The following DOCK6 variants were observed in gnomAD, a reference collection of about 807,000 sequenced individuals.
DOCK6 encodes the protein dedicator of cytokinesis protein 6.
Under a neutral mutation model 230.3 loss-of-function variants are expected in DOCK6, and 167 were observed. The observed-to-expected ratio is 0.73, with a 90% CI of 0.64 to 0.82. The LOEUF (loss-of-function observed/expected upper bound fraction) is 0.82, where lower values mean the gene tolerates loss of function less well. DOCK6 is among the 40% of genes least tolerant of loss of function. The probability of loss-of-function intolerance (pLI) is 0.00; values close to 1 mark genes in which losing one functional copy is unlikely to be tolerated. For synonymous variants in DOCK6, 1,148 were observed against 1,185.0 expected (o/e 0.97, Z 0.64); for missense variants, 2,598 against 2,825.8 (o/e 0.92, Z 1.83).
chr19:11,227,527 A>AAGACTTGAAGGGCTGTGGGTG (rs2079687104), intron 23 of DOCK6, 50 bp from the exon 24 acceptor site: 2 of 1,265,502 alleles, frequency 1.6e-6, no homozygotes, highest in African/African-American at 4.1e-5. Context: ...GGCTGTGGGT[A>AAGACTTGAAGGGCTGTGGGTG]GGACTTGAAG....
chr19:11,259,435 G>GA (rs2080247978), intron 1 of DOCK6, among the ~76,000 whole-genome samples: 1 of 148,160 alleles, frequency 6.7e-6, no homozygotes, highest in African/African-American at 2.5e-5. Context: ...CAAGGATGGG[G>GA]GAGAGAGAGA....
rs1398085540 is a variant in DOCK6, at chr19:11,243,170, C to G, written c.1387-18G>C. 1 of 1,613,110 alleles carries G rather than the reference C, an allele frequency of 6.2e-7. No homozygotes were observed. Among genetic ancestry groups the G allele is most frequent in the South Asian group, 1.1e-5 (1 of 91,070 alleles). ...TCAGCCTCCTACATGGGACCCACTC[C>G]CGTCAGCCTGGGCCAGGGGGCTAGG... On this transcript the variant is annotated intron_variant, in intron 12 of 47. Coordinates refer to ENST00000294618, the MANE Select transcript of DOCK6 (RefSeq NM_020812.4). This position sits in a 1 kb window ranked among gnomAD's most constrained non-coding sequence, Gnocchi z 6.3.
chr19:11,242,701 G>A (rs1305193098), intron 13 of DOCK6, among the ~76,000 whole-genome samples: 1 of 151,914 alleles, frequency 6.6e-6, no homozygotes, highest in African/African-American at 2.4e-5. Flanking sequence ...CCCCAGGCTG[G>A]TCTTGAGCTC....
At chr19:11,212,250 A>T in intron 35 of DOCK6, 99 bp from the exon 36 acceptor site, 1 of 1,375,826 alleles carries the variant, frequency 7.3e-7, no homozygotes, top group South Asian at 1.4e-5. Flanking sequence ...TGCGTTCTTT[A>T]TTTTTTTTGA....
chr19:11,203,146 C>G, intron 41 of DOCK6: 1 of 200,852 alleles, frequency 5.0e-6, no homozygotes, highest in Non-Finnish European at 1.0e-5. Context: ...GACAGTGGCT[C>G]TGGTTCCCTT....
rs954513312 is a variant in DOCK6 at position 11,222,522 on chromosome 19, T to C, written c.3240+213A>G. On this transcript the variant is annotated intron_variant, in intron 26 of 47. Coordinates refer to ENST00000294618, the MANE Select transcript of DOCK6 (RefSeq NM_020812.4). This position sits in a 1 kb window ranked among gnomAD's most constrained non-coding sequence, Gnocchi z 4.0. ...GAACACTGGGCTGGGAGTTAGGATT[T>C]AGGGGAGAGAAATCAGAGGTTAGTC... Among the ~76,000 whole-genome samples, 4 of 151,802 alleles carry C rather than the reference T, an allele frequency of 2.6e-5. No individual in the cohort carries two copies. The highest frequency in any genetic ancestry group is 1.9e-4 in the East Asian group (1 of 5,178).
chr19:11,252,921 TCA>T lies in DOCK6; in HGVS notation c.168_169del (p.Phe56LeufsTer12). ...TGGTGGCCGGCTCAGAAGTACATCCTCAAAGTCCAGGGGCTCGACAACTTCAG... is the reference window on the plus strand; with the variant it reads ...TGGTGGCCGGCTCAGAAGTACATCCTAAGTCCAGGGGCTCGACAACTTCAG... On this transcript the variant is annotated frameshift_variant, in exon 3 of 48. Transcript: ENST00000294618. LOFTEE classifies it high-confidence loss of function. 2 of 1,612,444 alleles carry T rather than the reference TCA, an allele frequency of 1.2e-6. No individual in the cohort carries two copies. Among genetic ancestry groups the T allele is most frequent in the Non-Finnish European group, 1.7e-6 (2 of 1,179,340 alleles).
intron 14 of DOCK6, chr19:11,240,186 G>A: frequency 6.4e-7 from 1 of 1,554,626 alleles, no homozygotes; most frequent in Non-Finnish European, 8.7e-7. Flanking sequence ...TGAGGTGCTG[G>A]GGGAGGTGGC....
At position 11,212,093 on chromosome 19, in the gene DOCK6, G is replaced by A. The variant is rs752022328; in HGVS notation, c.4550C>T (p.Thr1517Met). ...CAGGTGCTCTTCACTGAAGTTCTGC[G>A]TCGTCCCCACCAGGGACGAGAGAGA... ...TMSLSSLVGT[T>M]QNFSEEHLRR... The change falls in exon 36 of 48, where the codon ACG (threonine) becomes ATG (methionine). Residue 1517 changes from threonine to methionine, a missense_variant. Transcript: ENST00000294618. 45 of 1,612,176 alleles carry A rather than the reference G, an allele frequency of 2.8e-5. No homozygotes were observed. In the South Asian group the frequency reaches 3.1e-4, roughly 11 times the overall value.
intron 24 of DOCK6, among the ~76,000 whole-genome samples, chr19:11,225,544 T>G (rs1280831957): frequency 1.3e-5 from 2 of 151,338 alleles, no homozygotes; most frequent in Non-Finnish European, 2.9e-5. Flanking sequence ...CACACAAAAA[T>G]AGGTGGGTAT....
At chr19:11,212,298 G>A in intron 35 of DOCK6, 147 bp from the exon 36 acceptor site, 1 of 906,238 alleles carries the variant, frequency 1.1e-6, no homozygotes, top group Non-Finnish European at 1.6e-6. Context: ...CTGGAGTGCA[G>A]TGGCATGATC....
chr19:11,261,216 C>A (rs901310346), intron 1 of DOCK6, among the ~76,000 whole-genome samples: 6 of 151,866 alleles, frequency 4.0e-5, no homozygotes, highest in Middle Eastern at 3.5e-3. Flanking sequence ...TTTGCACAAA[C>A]CCTTCCCACT....
intron 3 of DOCK6, 105 bp downstream of exon 3, chr19:11,252,678 C>T (rs2147877967): frequency 1.9e-6 from 3 of 1,598,518 alleles, no homozygotes; most frequent in Non-Finnish European, 2.6e-6. Flanking sequence ...AAAAGCATGG[C>T]TTGTCCAACG....
At chr19:11,241,298 A>G in intron 14 of DOCK6, 1 of 607,600 alleles carries the variant, frequency 1.6e-6, no homozygotes, top group Non-Finnish European at 2.9e-6. Context: ...GTCCTATTTT[A>G]TCCCCATTTT....
chr19:11,210,577 CTCACCTGTCCATCCCT>C lies in DOCK6; in HGVS notation c.4751+1183_4751+1198del, dbSNP rs959206084. Among the ~76,000 whole-genome samples, 24 of 148,066 alleles carry C rather than the reference CTCACCTGTCCATCCCT, an allele frequency of 1.6e-4. No homozygotes were observed. The East Asian group carries it at 1.6e-3, about 10-fold the overall frequency. On this transcript the variant is annotated intron_variant, in intron 37 of 47. Coordinates refer to ENST00000294618, the MANE Select transcript of DOCK6 (RefSeq NM_020812.4). ...GTCCACCCCCTCACCTGTGCATCCC[CTCACCTGTCCATCCCT>C]TCACCTGTCCATCCCTTCACCTGTC...
At chr19:11,250,560 T>A (rs2080101492) in intron 6 of DOCK6, among the ~76,000 whole-genome samples, 1 of 152,092 alleles carries the variant, frequency 6.6e-6, no homozygotes, top group Admixed American at 6.6e-5. Context: ...TCTGCCCACC[T>A]CAGCCTCCCA....
chr19:11,221,629 C>T (rs1051982696), intron 28 of DOCK6: 1 of 595,708 alleles, frequency 1.7e-6, no homozygotes, highest in Non-Finnish European at 2.9e-6. Context: ...TTCACATAAC[C>T]TTATGAAGTA....
At chr19:11,210,613 CCTGT>C (rs1003516326) in intron 37 of DOCK6, among the ~76,000 whole-genome samples, 9 of 147,378 alleles carry the variant, frequency 6.1e-5, no homozygotes, top group Non-Finnish European at 9.0e-5. Flanking sequence ...CATCCCTTCA[CCTGT>C]CTGTCCCCTC....
At chr19:11,212,268 G>A in intron 35 of DOCK6, 117 bp from the exon 36 acceptor site, 1 of 1,161,404 alleles carries the variant, frequency 8.6e-7, no homozygotes, top group Non-Finnish European at 1.2e-6. Context: ...TGAGATGGGG[G>A]TCTCACTCTG....
Sources: gnomAD v4.1 joint callset for allele counts (sites outside exome capture counted in the v4.1 genomes callset) on GRCh38, gnomAD v4.1.1 for gene constraint, Gnocchi (gnomAD v3.1) non-coding constraint, MANE v1.5 for transcripts, NCBI Gene and HGNC (gene_info 2026-07-23, HGNC 2026-07-21) for gene names.